The following PTPRN2 variants were observed in gnomAD, a reference collection of about 807,000 sequenced individuals.
PTPRN2 encodes protein tyrosine phosphatase receptor type N2.
In PTPRN2, 74 loss-of-function variants were observed where a neutral mutation model predicts 118.8. The ratio of observed to expected loss-of-function variants is 0.62; its 90% CI spans 0.52 to 0.76. The LOEUF is 0.76. Ranked by LOEUF, PTPRN2 falls within the 30% of genes least tolerant of loss-of-function variation. The pLI is 0.00. For synonymous variants in PTPRN2, 641 were observed against 608.0 expected, an observed-to-expected ratio of 1.05 and a Z score of -0.80; for missense variants, 1,481 against 1,394.4, an observed-to-expected ratio of 1.06 and a Z score of -0.99.
intron 11 of PTPRN2, among the ~76,000 whole-genome samples, chr7:158,038,831 A>C (rs1280243887): frequency 6.6e-6 from 1 of 151,458 alleles, no homozygotes; most frequent in Non-Finnish European, 1.5e-5. Context: ...GAATCCTTAC[A>C]TTCTAATAAT....
intron 6 of PTPRN2, among the ~76,000 whole-genome samples, chr7:158,152,230 C>T (rs1423108654): frequency 4.1e-5 from 6 of 148,024 alleles, no homozygotes; most frequent in East Asian, 2.0e-4. Context: ...ATTGATGCTG[C>T]GAAGAAATAA....
chr7:158,523,604 CAGAGTCTGCCCTGGAGT>C (rs1563392999), intron 1 of PTPRN2, among the ~76,000 whole-genome samples: 6 of 100,456 alleles, frequency 6.0e-5, no homozygotes, highest in East Asian at 3.5e-4. Flanking sequence ...TGCCCTGGAG[CAGAGTCTGCCCTGGAGT>C]GGAGTCATCT....
chr7:158,557,416 C>T (rs1290559643), intron 1 of PTPRN2, among the ~76,000 whole-genome samples: 2 of 152,198 alleles, frequency 1.3e-5, no homozygotes, highest in African/African-American at 2.4e-5. Flanking sequence ...AGGCAGCTCC[C>T]GTGCAGGTTA....
At chr7:158,021,804 C>T (rs766870405) in intron 11 of PTPRN2, among the ~76,000 whole-genome samples, 7 of 152,314 alleles carry the variant, frequency 4.6e-5, no homozygotes, top group Middle Eastern at 3.4e-3. Context: ...GCATTTTAGT[C>T]CACCAGAAAA....
chr7:158,257,827 G>A (rs1797133296), intron 3 of PTPRN2, among the ~76,000 whole-genome samples: 1 of 152,242 alleles, frequency 6.6e-6, no homozygotes, highest in African/African-American at 2.4e-5. Flanking sequence ...GCCTGCAGAG[G>A]AGCTGGTGAG....
At chr7:157,799,354 G>A (rs200744462) in intron 12 of PTPRN2, among the ~76,000 whole-genome samples, 264 of 152,172 alleles carry the variant, frequency 1.7e-3, no homozygotes, top group East Asian at 3.5e-3. Flanking sequence ...ACCCCACATC[G>A]CCATCTCTTG....
chr7:158,147,394 G>C (rs762891460), intron 6 of PTPRN2, among the ~76,000 whole-genome samples: 1 of 27,044 alleles, frequency 3.7e-5, no homozygotes. Context: ...CTCACGCCAC[G>C]TGTCTTTCCC....
At position 158,489,763 on chromosome 7, in the gene PTPRN2, G is replaced by A; in HGVS notation, c.135C>T (p.Leu45=). 2 of 1,582,994 alleles carry A rather than the reference G, an allele frequency of 1.3e-6. No homozygotes were observed. The highest frequency in any genetic ancestry group is 1.7e-6 in the Non-Finnish European group (2 of 1,165,622). Residue 45 remains leucine, a synonymous_variant, in exon 2 of 23, where the codon CTC becomes CTT. Coordinates refer to ENST00000389418, the MANE Select transcript of PTPRN2 (RefSeq NM_002847.5). The part of the protein sequence containing the change: ...GRLGCLLEEG[L]CGASEACVND... ...TCACACAGGCCTCGGACGCTCCGCA[G>A]AGGCCCTCCTCGAGCAGGCAGCCTG...
chr7:158,329,615 A>C (rs62480865), intron 2 of PTPRN2, among the ~76,000 whole-genome samples: 79,719 of 152,200 alleles, frequency 0.52, 21,262 homozygotes, highest in South Asian at 0.58. Flanking sequence ...TCCAGCCTTC[A>C]GAACTGAGAA....
At chr7:158,279,739 G>C (rs1212523491) in intron 3 of PTPRN2, among the ~76,000 whole-genome samples, 1 of 152,160 alleles carries the variant, frequency 6.6e-6, no homozygotes, top group South Asian at 2.1e-4. Context: ...CGCAAGCAGA[G>C]GGAGCCGGCT....
At chr7:158,270,715 C>T (rs1425424265) in intron 3 of PTPRN2, among the ~76,000 whole-genome samples, 1 of 151,754 alleles carries the variant, frequency 6.6e-6, no homozygotes, top group African/African-American at 2.4e-5. Flanking sequence ...CTGGGCTGCC[C>T]CTCTCCCTGG....
intron 12 of PTPRN2, among the ~76,000 whole-genome samples, chr7:157,740,901 C>T (rs984206724): frequency 6.6e-6 from 1 of 152,192 alleles, no homozygotes. Context: ...TCCCATTAGC[C>T]TGAGCAAGGG....
chr7:158,296,408 T>G (rs926383536), intron 3 of PTPRN2, among the ~76,000 whole-genome samples: 6 of 152,174 alleles, frequency 3.9e-5, no homozygotes, highest in African/African-American at 1.4e-4. Flanking sequence ...ACTTCCACTC[T>G]ATAAAACCTT....
intron 3 of PTPRN2, among the ~76,000 whole-genome samples, chr7:158,271,013 C>CT (rs1554434780): frequency 7.3e-6 from 1 of 136,484 alleles, no homozygotes; most frequent in Non-Finnish European, 1.6e-5. Context: ...CCTGGACCAC[C>CT]CCTCCACCTG....
At chr7:158,334,750 G>T (rs62480930) in intron 2 of PTPRN2, among the ~76,000 whole-genome samples, 1 of 5,540 alleles carries the variant, frequency 1.8e-4, no homozygotes, top group Non-Finnish European at 6.0e-4. Context: ...AAGAGGTGAC[G>T]CCCGCAGACA....
At chr7:157,577,004 A>G (rs1332985313) in intron 18 of PTPRN2, among the ~76,000 whole-genome samples, 1 of 152,204 alleles carries the variant, frequency 6.6e-6, no homozygotes, top group Non-Finnish European at 1.5e-5. Context: ...GCTTAGTGTT[A>G]TTTAGGGGCT....
chr7:157,540,815 A>G (rs1171820297), intron 22 of PTPRN2, 30 bp from the exon 23 acceptor site: 5 of 1,528,496 alleles, frequency 3.3e-6, no homozygotes, highest in African/African-American at 2.8e-5. Flanking sequence ...AGAAGTGCCA[A>G]TGAGAGCGGC....
At chr7:158,535,986 T>C (rs1825619794) in intron 1 of PTPRN2, among the ~76,000 whole-genome samples, 1 of 149,388 alleles carries the variant, frequency 6.7e-6, no homozygotes, top group Non-Finnish European at 1.5e-5. Flanking sequence ...TCCAAAAGGT[T>C]GGGACCTTAC....
intron 13 of PTPRN2, among the ~76,000 whole-genome samples, chr7:157,673,955 C>G (rs1221177223): frequency 6.6e-6 from 1 of 152,206 alleles, no homozygotes; most frequent in Non-Finnish European, 1.5e-5. Context: ...CCCGTTGTTC[C>G]AGAATATGGG....
Sources: allele counts gnomAD v4.1 joint callset (sites outside exome capture counted in the v4.1 genomes callset), GRCh38; gene constraint gnomAD v4.1.1; transcripts MANE v1.5; gene names NCBI Gene and HGNC (gene_info 2026-07-23, HGNC 2026-07-21).